Variants in EPHA10 observed in about 807,000 individuals in gnomAD.
EPHA10 encodes the protein ephrin type-A receptor 10.
In EPHA10, 120 loss-of-function variants were observed where a neutral mutation model predicts 109.7. The observed-to-expected ratio is 1.09, with a 90% confidence interval of 0.94 to 1.27. The LOEUF (loss-of-function observed/expected upper bound fraction) is 1.27, where lower values mean the gene tolerates loss of function less well. EPHA10 is among the 50% of genes most tolerant of loss of function. The pLI is 0.00. For synonymous variants in EPHA10, 640 were observed against 618.9 expected, an observed-to-expected ratio of 1.03 and a Z score of -0.51; for missense variants, 1,396 against 1,411.1, an observed-to-expected ratio of 0.99 and a Z score of 0.17.
intron 10 of EPHA10, 172 bp downstream of exon 10, chr1:37,722,869 G>A: frequency 1.0e-6 from 1 of 952,838 alleles, no homozygotes; most frequent in Non-Finnish European, 1.6e-6. Flanking sequence ...AGGCAAGCCA[G>A]GGACTTTCTG....
intron 12 of EPHA10, 94 bp from the exon 13 acceptor site, chr1:37,720,648 A>C: frequency 6.5e-7 from 1 of 1,533,654 alleles, no homozygotes; most frequent in Non-Finnish European, 8.9e-7. Context: ...GCCAGGCTTT[A>C]GTTCACCCTG....
intron 5 of EPHA10, among the ~76,000 whole-genome samples, chr1:37,751,708 C>T (rs1646330382): frequency 6.7e-6 from 1 of 149,624 alleles, no homozygotes; most frequent in Non-Finnish European, 1.5e-5. Context: ...CCCGTCTCTA[C>T]TAAAAAATAC....
Position 37,761,419 on chromosome 1 carries a change from C to G in EPHA10, c.836G>C (p.Gly279Ala). Residue 279 changes from glycine to alanine, a missense_variant, in exon 3 of 17, where the codon GGT (glycine) becomes GCT (alanine). Physicochemically the swap from Gly to Ala is moderately conservative, Grantham distance 60 (BLOSUM62 0). Transcript: ENST00000373048. ...CAACTGGATACCTTCGCAGAAGTCA[C>G]CACGCTCCTGGAATCCCGCGCTGCA... The part of the protein sequence containing the change: ...CSCSAGFQER[G>A]DFCEACPPGF... 1 of 1,599,456 alleles carries G rather than the reference C, an allele frequency of 6.3e-7. No homozygotes were observed. The highest frequency in any genetic ancestry group is 1.7e-5 in the Admixed American group (1 of 59,978).
At position 37,753,146 on chromosome 1, in the gene EPHA10, C is replaced by T. The variant is rs1300296374; in HGVS notation, c.1087G>A (p.Ala363Thr). The change falls in exon 5 of 17, where the codon GCC (alanine) becomes ACC (threonine). Residue 363 changes from alanine (A) to threonine (T), a missense_variant. Physicochemically the swap from Ala to Thr is moderately conservative, Grantham distance 58. Coordinates refer to ENST00000373048, the MANE Select transcript of EPHA10 (RefSeq NM_001099439.2). ...ACGTCCGAGCGGCCTCCCGAGTCGG[C>T]CGGCGGCAGCCAGCGCAGTCGCAGC... ...LVLRLRWLPP[A>T]DSGGRSDVTY... The T allele has an allele frequency of 1.4e-6, 2 of 1,406,972 alleles. No homozygotes were observed. Among genetic ancestry groups the T allele is most frequent in the East Asian group, 3.1e-5 (1 of 31,910 alleles). 87.2% of individuals were successfully genotyped at this position (1,406,972 alleles called of 1,614,324 possible). A position where few individuals can be genotyped will look rare whatever the true frequency, so the allele number is the denominator to read the frequency against.
intron 10 of EPHA10, chr1:37,722,773 A>G: frequency 5.1e-6 from 3 of 587,432 alleles, no homozygotes; most frequent in South Asian, 4.7e-5. Context: ...GCCTGGGACT[A>G]AACTGCCAGT....
chr1:37,742,579 T>TAGATGG (rs1569719651), intron 5 of EPHA10, among the ~76,000 whole-genome samples: 1 of 133,808 alleles, frequency 7.5e-6, no homozygotes, highest in Non-Finnish European at 1.7e-5. Context: ...GTGATGAGAA[T>TAGATGG]GGCAGAGTGG....
rs905729350 is a variant in EPHA10 at position 37,716,143 on chromosome 1, G to A, written c.*2229C>T. On this transcript the variant is annotated 3_prime_UTR_variant, in exon 17 of 17. Transcript: ENST00000373048. The stretch of plus-strand genomic sequence containing the variant: ...AGTGAACAAGTTCCATATAAAAATA[G>A]ATCTGTAGAGGGTTCCCAGAGAGCC... 1 of 427,390 alleles carries A rather than the reference G, an allele frequency of 2.3e-6. No individual in the cohort carries two copies. Among genetic ancestry groups the A allele is most frequent in the African/African-American group, 2.0e-5 (1 of 50,088 alleles). 26.5% of individuals were successfully genotyped at this position (427,390 alleles called of 1,614,324 possible).
intron 15 of EPHA10, 118 bp downstream of exon 15, chr1:37,719,296 G>C (rs1303097160): frequency 1.7e-6 from 2 of 1,204,282 alleles, no homozygotes; most frequent in Non-Finnish European, 2.3e-6. Flanking sequence ...TGGGGCAATG[G>C]GGTGAACAAT....
At position 37,718,819 on chromosome 1, in the gene EPHA10, G is replaced by A. The variant is rs1301325012; in HGVS notation, c.2757-3C>T. The A allele has an allele frequency of 6.2e-6, 10 of 1,608,018 alleles. No individual in the cohort carries two copies. Among genetic ancestry groups the A allele is most frequent in the Non-Finnish European group, 7.6e-6 (9 of 1,177,538 alleles). On this transcript the variant is annotated splice_region_variant and splice_polypyrimidine_tract_variant and intron_variant, in intron 15 of 16. Coordinates refer to ENST00000373048, the MANE Select transcript of EPHA10 (RefSeq NM_001099439.2). The stretch of plus-strand genomic sequence containing the variant: ...GGTCCGCTAGTGGGGTGGGAGGCCT[G>A]CGGGTCAGAGGAGCTGTGCTCAACC...
At chr1:37,714,201 T>C (rs1467249050), downstream of EPHA10, 2 of 152,230 alleles carry the variant, frequency 1.3e-5, no homozygotes, top group East Asian at 1.9e-4. Context: ...CCTAAGCACT[T>C]TGCATGTCCT....
chr1:37,719,196 G>T, intron 15 of EPHA10: 2 of 612,374 alleles, frequency 3.3e-6, no homozygotes, highest in East Asian at 5.5e-5. Flanking sequence ...CATTGTACCC[G>T]GGGATGTGGG....
intron 5 of EPHA10, among the ~76,000 whole-genome samples, chr1:37,750,842 G>A (rs374904170): frequency 1.9e-4 from 29 of 151,764 alleles, no homozygotes; most frequent in African/African-American, 5.3e-4. Context: ...CACTGTTCCC[G>A]GCCTGAAGAA....
Position 37,723,111 on chromosome 1 carries a change from C to A in EPHA10, c.1890G>T (p.Leu630=), listed in dbSNP as rs1645827613. The change falls in exon 10 of 17, where the codon CTG becomes CTT. Residue 630 remains leucine, a synonymous_variant. Transcript: ENST00000373048. ...FLDPQSCGDL[L]QAVHLFAKEL... Reference sequence around the variant, plus strand: ...CCTTGGCGAACAGATGCACAGCCTGCAGCAGGTCCCCACAGCTCTGGGGGT... The same window carrying A: ...CCTTGGCGAACAGATGCACAGCCTGAAGCAGGTCCCCACAGCTCTGGGGGT... 1 of 1,614,100 alleles carries A rather than the reference C, an allele frequency of 6.2e-7. No individual in the cohort carries two copies. The highest frequency in any genetic ancestry group is 8.5e-7 in the Non-Finnish European group (1 of 1,180,046).
chr1:37,760,076 A>T (rs1646418466), intron 3 of EPHA10, among the ~76,000 whole-genome samples: 1 of 152,224 alleles, frequency 6.6e-6, no homozygotes, highest in Non-Finnish European at 1.5e-5. Context: ...TGGATGATTG[A>T]ACAAAGGAAT....
At chr1:37,744,275 A>G (rs955292422) in intron 5 of EPHA10, among the ~76,000 whole-genome samples, 3 of 151,742 alleles carry the variant, frequency 2.0e-5, no homozygotes, top group Admixed American at 6.6e-5. Context: ...GCCCTTTGGG[A>G]GGCTGAGGCG....
Position 37,754,153 on chromosome 1 carries a change from C to T in EPHA10, c.1006+62G>A, listed in dbSNP as rs1053397456. Reference sequence around the variant, plus strand: ...TGCCCTCACCACCACCTGGATCAGGCCTTCCTTCTTGGCCACTCCCACCCC... The same window carrying T: ...TGCCCTCACCACCACCTGGATCAGGTCTTCCTTCTTGGCCACTCCCACCCC... On this transcript the variant is annotated intron_variant, in intron 4 of 16. Transcript: ENST00000373048. The surrounding 1 kb of genome is among the most constrained non-coding windows in gnomAD (Gnocchi z 4.5). 1.6e-6 allele frequency: 2 copies of T among 1,253,208 alleles called. No homozygotes were observed. Among genetic ancestry groups the T allele is most frequent in the Non-Finnish European group, 1.0e-6 (1 of 991,342 alleles). The allele number at this position is 1,253,208 out of a possible 1,614,324, so 77.6% of individuals were successfully genotyped here.
In EPHA10 at chr1:37,754,715, A is replaced by G. The variant is rs532514078; in HGVS notation, c.851-345T>C. ...ACATGGCCAAACCCCGTCTCTATTT[A>G]TTATTTTTTAAATTACGTCTATTAA... On this transcript the variant is annotated intron_variant, in intron 3 of 16. Coordinates refer to ENST00000373048, the MANE Select transcript of EPHA10 (RefSeq NM_001099439.2). The surrounding 1 kb of genome is among the most constrained non-coding windows in gnomAD (Gnocchi z 4.5). Among the ~76,000 whole-genome samples the G allele has an allele frequency of 6.6e-6, 1 of 152,158 alleles. No individual in the cohort carries two copies. The highest frequency in any genetic ancestry group is 1.5e-5 in the Non-Finnish European group (1 of 68,024).
chr1:37,753,180 C>T lies in EPHA10; in HGVS notation c.1053G>A (p.Ser351=), dbSNP rs1214603444. Residue 351 remains serine, a synonymous_variant, in exon 5 of 17, where the codon TCG becomes TCA. Transcript: ENST00000373048. The part of the protein sequence containing the change: ...PRDLQYSLSR[S]PLVLRLRWLP... Reference sequence around the variant, plus strand: ...GCCAGCGCAGTCGCAGCACCAGCGGCGAGCGGCTCAGGCTGTACTGCAGGT... The same window carrying T: ...GCCAGCGCAGTCGCAGCACCAGCGGTGAGCGGCTCAGGCTGTACTGCAGGT... 1.4e-6 allele frequency: 2 copies of T among 1,402,002 alleles called. No homozygotes were observed. The highest frequency in any genetic ancestry group is 6.2e-5 in the East Asian group (2 of 32,226). 86.8% of individuals were successfully genotyped at this position (1,402,002 alleles called of 1,614,324 possible).
chr1:37,723,672 A>G (rs1166841143), intron 8 of EPHA10, among the ~76,000 whole-genome samples: 1 of 152,228 alleles, frequency 6.6e-6, no homozygotes, highest in Non-Finnish European at 1.5e-5. Flanking sequence ...GCAGGCCCCC[A>G]GCTGCCCCCG....
Sources: allele counts gnomAD v4.1 joint callset (sites outside exome capture counted in the v4.1 genomes callset), GRCh38; gene constraint gnomAD v4.1.1; non-coding constraint Gnocchi (gnomAD v3.1); transcripts MANE v1.5; gene names NCBI Gene and HGNC (gene_info 2026-07-23, HGNC 2026-07-21).